Variants in NEGR1 observed in about 807,000 individuals in gnomAD.
NEGR1 encodes IgLON family member 4.
In NEGR1, 10 loss-of-function variants were observed where a neutral mutation model predicts 40.9. That is an observed-to-expected ratio of 0.24 (90% CI 0.15 to 0.42). The LOEUF (loss-of-function observed/expected upper bound fraction) is 0.42. Ranked by LOEUF, NEGR1 falls within the 10% of genes least tolerant of loss-of-function variation. The pLI is 1.00. For synonymous variants in NEGR1, 185 were observed against 166.8 expected (o/e 1.11, Z -0.84); for missense variants, 352 against 438.9 (o/e 0.80, Z 1.77).
At chr1:71,775,446 A>G (rs1656471021) in intron 3 of NEGR1, among the ~76,000 whole-genome samples, 1 of 151,588 alleles carries the variant, frequency 6.6e-6, no homozygotes, top group African/African-American at 2.4e-5. Context: ...CCTGGGTTCA[A>G]ATGATTCTCC....
intron 2 of NEGR1, among the ~76,000 whole-genome samples, chr1:71,842,603 C>T (rs935431103): frequency 2.6e-5 from 4 of 152,156 alleles, no homozygotes; most frequent in African/African-American, 9.6e-5. Context: ...TCATAGAACA[C>T]TTTCTTGCAT....
chr1:72,215,552 G>A lies in NEGR1; in HGVS notation c.176+66767C>T, dbSNP rs190833235. ...CAACCCGATCAAAAAGTGGGCAAAG[G>A]ATATGAATAGACACTTCTCAAAAGA... On this transcript the variant is annotated intron_variant, in intron 1 of 6. Coordinates refer to ENST00000357731, the MANE Select transcript of NEGR1 (RefSeq NM_173808.3). Among the ~76,000 whole-genome samples the A allele has an allele frequency of 1.6e-4, 25 of 152,082 alleles. No homozygotes were observed. The East Asian group carries it at 4.3e-3, about 26-fold the overall frequency.
chr1:72,169,870 CTT>C (rs1250022882), intron 1 of NEGR1, among the ~76,000 whole-genome samples: 2 of 152,088 alleles, frequency 1.3e-5, no homozygotes, highest in African/African-American at 4.8e-5. Context: ...AAATGAAAGA[CTT>C]AACACACTAA....
intron 6 of NEGR1, among the ~76,000 whole-genome samples, chr1:71,494,104 A>G (rs116389757): frequency 0.012 from 1,841 of 152,072 alleles, 20 homozygotes; most frequent in Non-Finnish European, 0.02. Context: ...CTGGGAGGTG[A>G]CCTCTAGGTT....
At chr1:72,222,055 C>T (rs1654030886) in intron 1 of NEGR1, among the ~76,000 whole-genome samples, 1 of 152,094 alleles carries the variant, frequency 6.6e-6, no homozygotes, top group African/African-American at 2.4e-5. Context: ...AGGCCAGTAC[C>T]TGTGAACCCA....
At position 71,400,127 on chromosome 1, in the gene NEGR1, A is replaced by G. The variant is rs561774838; in HGVS notation, c.*7319T>C. On this transcript the variant is annotated 3_prime_UTR_variant, in exon 7 of 7. Transcript: ENST00000357731. ...GGCAAATTCAAATTTCCACCAAGGA[A>G]TAGCCCAGTGCTTTTAGCAATCCAT... The G allele has an allele frequency of 6.6e-6, 1 of 152,322 alleles. No homozygotes were observed. The highest frequency in any genetic ancestry group is 3.4e-3 in the Middle Eastern group (1 of 294). The allele number at this position is 152,322 out of a possible 1,614,324, so 9.4% of individuals were successfully genotyped here. A position where few individuals can be genotyped will look rare whatever the true frequency, so the allele number is the denominator to read the frequency against.
Position 71,972,615 on chromosome 1 carries a change from C to A in NEGR1, c.177-37304G>T, listed in dbSNP as rs940509649. On this transcript the variant is annotated intron_variant, in intron 1 of 6. Coordinates refer to ENST00000357731, the MANE Select transcript of NEGR1 (RefSeq NM_173808.3). Reference sequence around the variant, plus strand: ...CTCTTCACTGACTGGTAGTATTTGTCTCTCTAGAGGTGACTTCAAAATCTT... The same window carrying A: ...CTCTTCACTGACTGGTAGTATTTGTATCTCTAGAGGTGACTTCAAAATCTT... Among the ~76,000 whole-genome samples, 3 of 152,212 alleles carry A rather than the reference C, an allele frequency of 2.0e-5. No homozygotes were observed. In the East Asian group the frequency reaches 5.8e-4, roughly 29 times the overall value.
chr1:72,222,924 T>C (rs543210645), intron 1 of NEGR1, among the ~76,000 whole-genome samples: 4 of 152,292 alleles, frequency 2.6e-5, no homozygotes, highest in Non-Finnish European at 5.9e-5. Context: ...TCTAGATTAG[T>C]ACAGTTTAAA....
chr1:71,939,368 C>T (rs1645939124), intron 1 of NEGR1, among the ~76,000 whole-genome samples: 1 of 151,948 alleles, frequency 6.6e-6, no homozygotes, highest in Non-Finnish European at 1.5e-5. Flanking sequence ...TATTTGGTTG[C>T]TTCTATATAT....
intron 1 of NEGR1, among the ~76,000 whole-genome samples, chr1:72,176,911 C>A (rs1414919060): frequency 1.3e-5 from 2 of 151,596 alleles, no homozygotes; most frequent in Admixed American, 6.6e-5. Context: ...GAAAAGGAAT[C>A]AAAATCTGGG....
At chr1:72,021,358 A>G (rs1646754886) in intron 1 of NEGR1, among the ~76,000 whole-genome samples, 1 of 152,166 alleles carries the variant, frequency 6.6e-6, no homozygotes, top group Non-Finnish European at 1.5e-5. Flanking sequence ...CCAAATTTAT[A>G]AGTTAAAATG....
At chr1:71,579,837 G>A (rs1649078678) in intron 6 of NEGR1, among the ~76,000 whole-genome samples, 2 of 152,044 alleles carry the variant, frequency 1.3e-5, no homozygotes, top group Non-Finnish European at 2.9e-5. Flanking sequence ...ATAGAATTAA[G>A]ACATTGCAAA....
At chr1:71,530,048 G>C (rs1647304480) in intron 6 of NEGR1, among the ~76,000 whole-genome samples, 1 of 151,008 alleles carries the variant, frequency 6.6e-6, no homozygotes, top group African/African-American at 2.4e-5. Context: ...TATTTTCAGT[G>C]TGTCCAATAT....
intron 6 of NEGR1, among the ~76,000 whole-genome samples, chr1:71,552,038 C>G (rs747147121): frequency 2.0e-5 from 3 of 151,500 alleles, no homozygotes; most frequent in Non-Finnish European, 4.4e-5. Context: ...GCCCTATAGG[C>G]CTCAACTTTG....
chr1:71,530,071 A>G (rs541015359), intron 6 of NEGR1, among the ~76,000 whole-genome samples: 6 of 151,366 alleles, frequency 4.0e-5, no homozygotes, highest in African/African-American at 1.4e-4. Flanking sequence ...TCATAACTAT[A>G]TCCACTTTAT....
At chr1:71,485,101 C>T (rs1050770626) in intron 6 of NEGR1, among the ~76,000 whole-genome samples, 16 of 151,598 alleles carry the variant, frequency 1.1e-4, no homozygotes, top group African/African-American at 3.9e-4. Context: ...AGGGTATTCC[C>T]ATGAGATGAT....
chr1:71,940,669 G>A (rs1645950250), intron 1 of NEGR1, among the ~76,000 whole-genome samples: 1 of 152,136 alleles, frequency 6.6e-6, no homozygotes, highest in Admixed American at 6.5e-5. Context: ...GGGGTATGAA[G>A]TCCCATTGGG....
chr1:71,800,295 G>T (rs1046095479), intron 2 of NEGR1, among the ~76,000 whole-genome samples: 2 of 151,908 alleles, frequency 1.3e-5, no homozygotes, highest in African/African-American at 4.8e-5. Context: ...CATTCTTTAG[G>T]TTGTCTGTTC....
intron 6 of NEGR1, among the ~76,000 whole-genome samples, chr1:71,434,997 A>T (rs887498692): frequency 6.6e-6 from 1 of 152,064 alleles, no homozygotes; most frequent in Non-Finnish European, 1.5e-5. Flanking sequence ...AGGCTGAGGC[A>T]GGAGAATGGC....
Sources: allele counts gnomAD v4.1 joint callset (sites outside exome capture counted in the v4.1 genomes callset), GRCh38; gene constraint gnomAD v4.1.1; transcripts MANE v1.5; gene names NCBI Gene and HGNC (gene_info 2026-07-23, HGNC 2026-07-21).